Variants in WDR59 observed in about 807,000 individuals in gnomAD.
The protein encoded by WDR59 is WD repeat domain 59.
A neutral mutation model predicts 131.2 loss-of-function variants in WDR59; 100 were observed. The observed-to-expected ratio is 0.76, with a 90% CI of 0.65 to 0.90. The LOEUF (loss-of-function observed/expected upper bound fraction) is 0.90, where lower values mean the gene tolerates loss of function less well. Ranked by LOEUF, WDR59 falls within the 40% of genes least tolerant of loss-of-function variation. The probability of loss-of-function intolerance (pLI) is 0.00; values close to 1 mark genes in which losing one functional copy is unlikely to be tolerated. For missense variants in WDR59, 1,203 were observed against 1,262.2 expected, an observed-to-expected ratio of 0.95 and a Z score of 0.71; for synonymous variants, 601 against 466.2, an observed-to-expected ratio of 1.29 and a Z score of -3.72.
rs766549603 is a variant in WDR59 at position 74,909,584 on chromosome 16, G to A, written c.1559C>T (p.Ala520Val). 5.6e-6 allele frequency: 9 copies of A among 1,610,364 alleles called. No individual in the cohort carries two copies. Among genetic ancestry groups the A allele is most frequent in the Admixed American group, 3.4e-5 (2 of 59,402 alleles). Residue 520 changes from alanine to valine, a missense_variant, in exon 16 of 26, where the codon GCG becomes GTG. Physicochemically the swap from Ala to Val is moderately conservative, Grantham distance 64. Coordinates refer to ENST00000262144, the MANE Select transcript of WDR59 (RefSeq NM_030581.4). ...CGACCCGTAAGCCGTGGTCACCCGC[G>A]CAAACGTCGGTAAGGGGGGAGTGAC... ...NSVTPPLPTF[A>V]RVTTAYGSYQ... is the part of the protein sequence containing the mutation.
chr16:74,977,463 C>T (rs980333236), intron 1 of WDR59, among the ~76,000 whole-genome samples: 2 of 151,354 alleles, frequency 1.3e-5, no homozygotes, highest in African/African-American at 4.9e-5. Flanking sequence ...CCGAGGCGGG[C>T]AGATCACGAT....
At position 74,917,531 on chromosome 16, in the gene WDR59, G is replaced by A. The variant is rs72798640; in HGVS notation, c.966+398C>T. Among the ~76,000 whole-genome samples, 332 of 152,176 alleles carry A rather than the reference G, an allele frequency of 2.2e-3. 2 individuals carry two copies. The highest frequency in any genetic ancestry group is 0.01 in the Middle Eastern group (3 of 292). On this transcript the variant is annotated intron_variant, in intron 11 of 25. Coordinates refer to ENST00000262144, the MANE Select transcript of WDR59 (RefSeq NM_030581.4). ...GTATGTATTAAATGTCTATCCTGCCGGGGAAGGTGGCTCACACCAGTGATC... is the reference window on the plus strand; with the variant it reads ...GTATGTATTAAATGTCTATCCTGCCAGGGAAGGTGGCTCACACCAGTGATC...
At chr16:74,959,091 C>A (rs1597797665) in intron 2 of WDR59, among the ~76,000 whole-genome samples, 1 of 152,154 alleles carries the variant, frequency 6.6e-6, no homozygotes, top group African/African-American at 2.4e-5. Flanking sequence ...GGGTTATGTG[C>A]AACCCATCCA....
intron 13 of WDR59, among the ~76,000 whole-genome samples, chr16:74,913,826 AT>A (rs1966226381): frequency 6.6e-6 from 1 of 152,192 alleles, no homozygotes; most frequent in African/African-American, 2.4e-5. Context: ...TCTTCTGGGA[AT>A]GATGAATATG....
At chr16:74,949,602 C>T in intron 5 of WDR59, 116 bp downstream of exon 5, 2 of 827,156 alleles carry the variant, frequency 2.4e-6, no homozygotes, top group Admixed American at 2.5e-5. Flanking sequence ...AAATCTCTCA[C>T]TCAAACTTGT....
intron 10 of WDR59, among the ~76,000 whole-genome samples, chr16:74,918,573 G>A (rs1451171274): frequency 1.3e-5 from 2 of 152,156 alleles, no homozygotes; most frequent in South Asian, 2.1e-4. Context: ...AATCCTTAAT[G>A]TACTTAATTG....
At chr16:74,928,038 G>A (rs900747377) in intron 8 of WDR59, among the ~76,000 whole-genome samples, 2 of 150,808 alleles carry the variant, frequency 1.3e-5, no homozygotes, top group Non-Finnish European at 2.9e-5. Flanking sequence ...CTCCCGAGTA[G>A]CTGGAACTAC....
intron 8 of WDR59, among the ~76,000 whole-genome samples, chr16:74,932,224 G>C (rs2031455555): frequency 1.3e-5 from 2 of 151,350 alleles, no homozygotes. Context: ...TTCCTGAGTA[G>C]CTGGGATGAC....
intron 1 of WDR59, among the ~76,000 whole-genome samples, chr16:74,979,455 G>C (rs2034313307): frequency 8.6e-6 from 1 of 115,710 alleles, no homozygotes. Flanking sequence ...GACAGAGTGA[G>C]ACTCTGTCTC....
intron 8 of WDR59, among the ~76,000 whole-genome samples, chr16:74,936,974 C>T (rs573838601): frequency 6.6e-6 from 1 of 152,354 alleles, no homozygotes; most frequent in East Asian, 1.9e-4. Flanking sequence ...TAGTATATGA[C>T]TGTAGTTTTG....
At chr16:74,882,076 G>C (rs1164211968) in intron 25 of WDR59, among the ~76,000 whole-genome samples, 1 of 152,022 alleles carries the variant, frequency 6.6e-6, no homozygotes, top group Non-Finnish European at 1.5e-5. Context: ...CTGCACTACA[G>C]ACATCTTGAC....
chr16:74,965,481 G>C (rs910942930), intron 2 of WDR59, among the ~76,000 whole-genome samples: 4 of 152,144 alleles, frequency 2.6e-5, no homozygotes, highest in Non-Finnish European at 5.9e-5. Flanking sequence ...TCATCCTTCA[G>C]GTATGTAGTA....
In WDR59 at chr16:74,892,477, A is replaced by T. The variant is rs770402241; in HGVS notation, c.2082+7T>A. The T allele has an allele frequency of 6.2e-7, 1 of 1,612,964 alleles. No homozygotes were observed. The highest frequency in any genetic ancestry group is 1.7e-5 in the Admixed American group (1 of 59,978). On this transcript the variant is annotated splice_region_variant and intron_variant, in intron 20 of 25. Transcript: ENST00000262144. ...TCCAAATCTCCACCAAAAGGGATGGACAATACCTGGACAAGATCCTTTCTT... is the reference window on the plus strand; with the variant it reads ...TCCAAATCTCCACCAAAAGGGATGGTCAATACCTGGACAAGATCCTTTCTT...
intron 17 of WDR59, among the ~76,000 whole-genome samples, chr16:74,906,734 C>CAGACATAAA (rs1965838641): frequency 6.6e-6 from 1 of 152,118 alleles, no homozygotes; most frequent in Non-Finnish European, 1.5e-5. Flanking sequence ...CAAAGTAAGC[C>CAGACATAAA]AGACATAAAA....
chr16:74,909,866 C>A lies in WDR59; in HGVS notation c.1441G>T (p.Glu481Ter). 1 of 1,613,028 alleles carries A rather than the reference C, an allele frequency of 6.2e-7. No individual in the cohort carries two copies. Among genetic ancestry groups the A allele is most frequent in the Non-Finnish European group, 8.5e-7 (1 of 1,179,994 alleles). The change falls in exon 15 of 26, where the codon GAG becomes TAG. Residue 481 changes from glutamate (E) to a stop codon, truncating the protein, a stop_gained. Coordinates refer to ENST00000262144, the MANE Select transcript of WDR59 (RefSeq NM_030581.4). LOFTEE classifies it high-confidence loss of function. ...GAGACGAGCTGGCGCAGGCAGGGCT[C>A]CAGGCAGCTCTGGCCACGCTTCACT... ...QKVKRGQSCL[E>*]PCLRQLVSCL...
intron 1 of WDR59, among the ~76,000 whole-genome samples, chr16:74,976,377 T>G (rs2034180562): frequency 1.3e-5 from 2 of 151,968 alleles, no homozygotes; most frequent in African/African-American, 2.4e-5. Flanking sequence ...AATTTCAAGA[T>G]AAAAGAAAAT....
chr16:74,903,832 C>G, intron 18 of WDR59, 115 bp downstream of exon 18: 1 of 1,293,202 alleles, frequency 7.7e-7, no homozygotes, highest in East Asian at 2.5e-5. Flanking sequence ...AAACTGATTA[C>G]GAAAGTGAAA....
At chr16:74,936,945 C>A (rs1426732288) in intron 8 of WDR59, among the ~76,000 whole-genome samples, 1 of 152,166 alleles carries the variant, frequency 6.6e-6, no homozygotes, top group Non-Finnish European at 1.5e-5. Flanking sequence ...AACTTCAAGA[C>A]AGGAGTTAAC....
At chr16:74,921,894 C>A (rs112057969) in intron 10 of WDR59, 53 bp downstream of exon 10, 8 of 1,578,726 alleles carry the variant, frequency 5.1e-6, no homozygotes, top group Non-Finnish European at 2.6e-6. Context: ...CTGACTGGCA[C>A]CGCTGTCACC....
Sources: allele counts gnomAD v4.1 joint callset (sites outside exome capture counted in the v4.1 genomes callset), GRCh38; gene constraint gnomAD v4.1.1; transcripts MANE v1.5; gene names NCBI Gene and HGNC (gene_info 2026-07-23, HGNC 2026-07-21).